Variants in DSCAM observed in about 807,000 individuals in gnomAD.
DSCAM encodes the protein cell adhesion molecule DSCAM.
Under a neutral mutation model 217.7 loss-of-function variants are expected in DSCAM, and 47 were observed. The observed-to-expected ratio is 0.22, with a 90% CI of 0.17 to 0.28. DSCAM has a LOEUF of 0.28. Among genes scored for constraint, DSCAM ranks in the 10% least tolerant of loss-of-function variants. The probability of loss-of-function intolerance (pLI) is 1.00; values close to 1 mark genes in which losing one functional copy is unlikely to be tolerated. For synonymous variants in DSCAM, 1,056 were observed against 1,015.3 expected, an observed-to-expected ratio of 1.04 and a Z score of -0.76; for missense variants, 2,080 against 2,618.3, an observed-to-expected ratio of 0.79 and a Z score of 4.49.
chr21:40,789,090 A>T (rs192336532), intron 1 of DSCAM, among the ~76,000 whole-genome samples: 40 of 152,308 alleles, frequency 2.6e-4, no homozygotes, highest in African/African-American at 9.4e-4. Context: ...ATTTTGCTAC[A>T]AACGCTTCAT....
chr21:40,775,297 A>G (rs371486877), intron 1 of DSCAM, among the ~76,000 whole-genome samples: 2 of 152,178 alleles, frequency 1.3e-5, no homozygotes, highest in East Asian at 3.9e-4. Flanking sequence ...GTTGACCAGT[A>G]GTGACTTAAT....
chr21:40,244,200 C>CA (rs1259503924), intron 11 of DSCAM, among the ~76,000 whole-genome samples: 1 of 152,166 alleles, frequency 6.6e-6, no homozygotes, highest in Non-Finnish European at 1.5e-5. Flanking sequence ...CCTGTAATCC[C>CA]AACACTTTGG....
chr21:40,394,151 A>T (rs974556416), intron 3 of DSCAM, among the ~76,000 whole-genome samples: 1 of 152,250 alleles, frequency 6.6e-6, no homozygotes, highest in Non-Finnish European at 1.5e-5. Flanking sequence ...GGGTCTAAAT[A>T]CAGCAGTGAA....
chr21:40,700,067 A>G (rs975964055), intron 2 of DSCAM, among the ~76,000 whole-genome samples: 1 of 152,234 alleles, frequency 6.6e-6, no homozygotes, highest in African/African-American at 2.4e-5. Context: ...ACTAAGATGA[A>G]GTCAATGCTC....
At chr21:40,791,479 C>T (rs1269194221) in intron 1 of DSCAM, among the ~76,000 whole-genome samples, 1 of 151,866 alleles carries the variant, frequency 6.6e-6, no homozygotes, top group African/African-American at 2.4e-5. Flanking sequence ...ACGGTGAAAC[C>T]CCGTCTGTAC....
chr21:40,641,557 C>A (rs553597516), intron 3 of DSCAM, among the ~76,000 whole-genome samples: 13 of 152,224 alleles, frequency 8.5e-5, no homozygotes, highest in African/African-American at 2.9e-4. Context: ...CACAGGCTTT[C>A]AAAAGAAGCT....
intron 1 of DSCAM, among the ~76,000 whole-genome samples, chr21:40,709,063 A>G (rs2090748889): frequency 6.6e-6 from 1 of 152,112 alleles, no homozygotes; most frequent in African/African-American, 2.4e-5. Flanking sequence ...CTCTCCCCAC[A>G]CTGACCACCA....
At chr21:40,486,256 G>C (rs1189271777) in intron 3 of DSCAM, among the ~76,000 whole-genome samples, 1 of 152,134 alleles carries the variant, frequency 6.6e-6, no homozygotes, top group Admixed American at 6.5e-5. Context: ...GGTTTATCCT[G>C]GGCCTTTCTT....
chr21:40,533,429 C>T (rs960435649), intron 3 of DSCAM, among the ~76,000 whole-genome samples: 1 of 150,454 alleles, frequency 6.6e-6, no homozygotes, highest in Non-Finnish European at 1.5e-5. Context: ...TATCTATTTC[C>T]CCATCCAAAC....
intron 3 of DSCAM, among the ~76,000 whole-genome samples, chr21:40,402,455 A>C (rs961005848): frequency 6.6e-6 from 1 of 152,146 alleles, no homozygotes; most frequent in Non-Finnish European, 1.5e-5. Context: ...CATTAGAACA[A>C]GTATCTGCCT....
chr21:40,190,197 G>T (rs1428016690), intron 11 of DSCAM, among the ~76,000 whole-genome samples: 1 of 152,094 alleles, frequency 6.6e-6, no homozygotes, highest in African/African-American at 2.4e-5. Context: ...AAAATTAAAA[G>T]AAGTCTAATA....
chr21:40,702,916 T>C (rs2090672992), intron 2 of DSCAM, among the ~76,000 whole-genome samples: 1 of 152,228 alleles, frequency 6.6e-6, no homozygotes, highest in South Asian at 2.1e-4. Context: ...GTCTTCACTG[T>C]AGGCCTTAAT....
chr21:40,598,794 C>T (rs113150744), intron 3 of DSCAM, among the ~76,000 whole-genome samples: 2,654 of 152,126 alleles, frequency 0.017, 61 homozygotes, highest in African/African-American at 0.059. Context: ...TGAGCCACCG[C>T]GACTGGCCCA....
intron 9 of DSCAM, among the ~76,000 whole-genome samples, chr21:40,299,192 G>A (rs1035395112): frequency 6.6e-6 from 1 of 152,104 alleles, no homozygotes; most frequent in African/African-American, 2.4e-5. Flanking sequence ...CAGATGTTTG[G>A]TCTTTGGCTG....
chr21:40,369,569 G>A (rs1290001932), intron 3 of DSCAM, among the ~76,000 whole-genome samples: 1 of 152,018 alleles, frequency 6.6e-6, no homozygotes, highest in Non-Finnish European at 1.5e-5. Flanking sequence ...CAACGAAGTT[G>A]TCATATAATT....
At chr21:40,770,072 T>C (rs1390462948) in intron 1 of DSCAM, among the ~76,000 whole-genome samples, 2 of 152,204 alleles carry the variant, frequency 1.3e-5, no homozygotes, top group African/African-American at 2.4e-5. Flanking sequence ...CATTTTTTTT[T>C]CTTTAACAAT....
At chr21:40,611,057 A>ATTTTTT (rs527262141) in intron 3 of DSCAM, among the ~76,000 whole-genome samples, 17,662 of 127,722 alleles carry the variant, frequency 0.14, 655 homozygotes, top group East Asian at 0.21. Context: ...TTAGTTTTCA[A>ATTTTTT]TTTTTTTTTT....
chr21:40,227,060 C>T (rs1432375749), intron 11 of DSCAM, among the ~76,000 whole-genome samples: 1 of 152,156 alleles, frequency 6.6e-6, no homozygotes, highest in African/African-American at 2.4e-5. Context: ...CCATCCATGT[C>T]CCTGCAAAGG....
rs1437312480 is a variant in DSCAM at position 40,547,930 on chromosome 21, C to G, written c.508+144880G>C. Among the ~76,000 whole-genome samples, 3 of 152,174 alleles carry G rather than the reference C, an allele frequency of 2.0e-5. No homozygotes were observed. In the East Asian group the frequency reaches 5.8e-4, roughly 29 times the overall value. On this transcript the variant is annotated intron_variant, in intron 3 of 32. Transcript: ENST00000400454. The stretch of plus-strand genomic sequence containing the variant: ...AGACACTGCGCAGTGTCCCGCAGCC[C>G]CCCAAATTGGGGAGGGATTCCTCGC...
Sources: allele counts gnomAD v4.1 joint callset (sites outside exome capture counted in the v4.1 genomes callset), GRCh38; gene constraint gnomAD v4.1.1; transcripts MANE v1.5; gene names NCBI Gene and HGNC (gene_info 2026-07-23, HGNC 2026-07-21).